The following LHFPL3 variants were observed in gnomAD, a reference collection of about 807,000 sequenced individuals.
LHFPL3 encodes the protein LHFPL tetraspan subfamily member 3 protein.
In LHFPL3, 5 loss-of-function variants were observed where a neutral mutation model predicts 19.3. The ratio of observed to expected loss-of-function variants is 0.26; its 90% CI spans 0.14 to 0.54. LHFPL3 has a LOEUF of 0.54. LHFPL3 is among the 20% of genes least tolerant of loss of function. The pLI is 0.94. For missense variants in LHFPL3, 249 were observed against 307.4 expected (o/e 0.81, Z 1.42); for synonymous variants, 133 against 126.2 (o/e 1.05, Z -0.36).
At position 104,669,710 on chromosome 7, in the gene LHFPL3, A is replaced by G. The variant is rs1377951287; in HGVS notation, c.446-66965A>G. ...AGACCTTTCTTACCTTTTTTTTAAA[A>G]CAAAAAATGAAATTATTTTGCATGC... is the stretch of plus-strand genomic sequence containing the variant. On this transcript the variant is annotated intron_variant, in intron 1 of 2. Coordinates refer to ENST00000424859, the MANE Select transcript of LHFPL3 (RefSeq NM_199000.3). The G allele has an allele frequency of 1.8e-5, 19 of 1,044,728 alleles. No individual in the cohort carries two copies. The Admixed American group carries it at 5.1e-4, about 28-fold the overall frequency. The allele number at this position is 1,044,728 out of a possible 1,614,324, so 64.7% of individuals were successfully genotyped here.
intron 1 of LHFPL3, among the ~76,000 whole-genome samples, chr7:104,461,291 C>T (rs1044737024): frequency 6.6e-6 from 1 of 152,180 alleles, no homozygotes; most frequent in Admixed American, 6.5e-5. Flanking sequence ...TGGTCCCACC[C>T]TTGAGACATG....
At chr7:104,640,677 T>C (rs1331697797) in intron 1 of LHFPL3, among the ~76,000 whole-genome samples, 3 of 152,214 alleles carry the variant, frequency 2.0e-5, no homozygotes, top group Non-Finnish European at 4.4e-5. Context: ...TTTTTAATGA[T>C]CGCCGTTCTA....
At chr7:104,869,136 C>G (rs894128164) in intron 2 of LHFPL3, among the ~76,000 whole-genome samples, 2 of 151,862 alleles carry the variant, frequency 1.3e-5, no homozygotes, top group Non-Finnish European at 2.9e-5. Context: ...GAAGAAAACC[C>G]TAGAAGCAAA....
At chr7:104,753,067 A>C (rs973547766) in intron 2 of LHFPL3, among the ~76,000 whole-genome samples, 1 of 152,218 alleles carries the variant, frequency 6.6e-6, no homozygotes, top group African/African-American at 2.4e-5. Flanking sequence ...AAGTAAATGC[A>C]ATGCAATTAA....
intron 1 of LHFPL3, among the ~76,000 whole-genome samples, chr7:104,406,533 G>A (rs1344486784): frequency 6.6e-6 from 1 of 152,230 alleles, no homozygotes; most frequent in Non-Finnish European, 1.5e-5. Context: ...TGAATTAAAA[G>A]AGGATGATTA....
At chr7:104,625,193 A>G (rs182650854) in intron 1 of LHFPL3, among the ~76,000 whole-genome samples, 61 of 152,348 alleles carry the variant, frequency 4.0e-4, no homozygotes, top group African/African-American at 1.4e-3. Flanking sequence ...ATTTATTTCA[A>G]AAGCATTAAT....
chr7:104,347,852 T>C (rs1342145208), intron 1 of LHFPL3, among the ~76,000 whole-genome samples: 1 of 150,494 alleles, frequency 6.6e-6, no homozygotes, highest in Non-Finnish European at 1.5e-5. Flanking sequence ...AGATCGCCCA[T>C]TACACTCTAG....
chr7:104,847,696 G>A (rs12705282), intron 2 of LHFPL3, among the ~76,000 whole-genome samples: 13,538 of 152,246 alleles, frequency 0.089, 1,307 homozygotes, highest in East Asian at 0.44. Flanking sequence ...ATTTTTAATA[G>A]AGACGAGATT....
Position 104,814,613 on chromosome 7 carries a change from A to T in LHFPL3, c.682+77702A>T, listed in dbSNP as rs572098619. On this transcript the variant is annotated intron_variant, in intron 2 of 2. Transcript: ENST00000424859. ...GGGACCTGCCCCGTTCCACCCAGGA[A>T]CCTGTCTGCCTCCCTCTGCCTTTCA... Among the ~76,000 whole-genome samples, 70 of 151,762 alleles carry T rather than the reference A, an allele frequency of 4.6e-4. 1 individual carries two copies. Among genetic ancestry groups the T allele is most frequent in the African/African-American group, 1.4e-3 (59 of 41,142 alleles).
chr7:104,600,441 T>G (rs1319399483), intron 1 of LHFPL3, among the ~76,000 whole-genome samples: 3 of 152,214 alleles, frequency 2.0e-5, no homozygotes, highest in Non-Finnish European at 2.9e-5. Context: ...CACGTTCTAA[T>G]AGAATCTTTA....
At chr7:104,460,019 C>A (rs1049695888) in intron 1 of LHFPL3, among the ~76,000 whole-genome samples, 1 of 152,076 alleles carries the variant, frequency 6.6e-6, no homozygotes, top group African/African-American at 2.4e-5. Context: ...TACCCTCCAC[C>A]CTCAAGTAGG....
chr7:104,661,299 A>G (rs984300967), intron 1 of LHFPL3, among the ~76,000 whole-genome samples: 2 of 152,202 alleles, frequency 1.3e-5, no homozygotes, highest in Admixed American at 6.5e-5. Flanking sequence ...TGCCCTGCCT[A>G]TTCTACCCAT....
chr7:104,587,038 C>T (rs1425217716), intron 1 of LHFPL3, among the ~76,000 whole-genome samples: 1 of 151,980 alleles, frequency 6.6e-6, no homozygotes. Flanking sequence ...CATTGTGATG[C>T]CAAAAATAAT....
intron 2 of LHFPL3, among the ~76,000 whole-genome samples, chr7:104,839,201 A>C (rs1791151653): frequency 6.6e-6 from 1 of 152,206 alleles, no homozygotes; most frequent in African/African-American, 2.4e-5. Flanking sequence ...GAGGGAGGAC[A>C]GGATAGCAGT....
Position 104,637,964 on chromosome 7 carries a change from C to T in LHFPL3, c.446-98711C>T, listed in dbSNP as rs1791759834. 2.6e-5 allele frequency among the ~76,000 whole-genome samples: 4 copies of T among 151,620 alleles called. No individual in the cohort carries two copies. The South Asian group carries it at 8.3e-4, about 32-fold the overall frequency. On this transcript the variant is annotated intron_variant, in intron 1 of 2. Transcript: ENST00000424859. ...AGTTTGATAGGAATAGCATTGAATC[C>T]GTACATTATTCTGGGCAGTATGGCC...
At chr7:104,857,972 T>G (rs978399127) in intron 2 of LHFPL3, among the ~76,000 whole-genome samples, 1 of 152,204 alleles carries the variant, frequency 6.6e-6, no homozygotes, top group African/African-American at 2.4e-5. Context: ...TAAAGTCAAG[T>G]AGGTAAATTC....
intron 2 of LHFPL3, among the ~76,000 whole-genome samples, chr7:104,830,015 T>C (rs929503534): frequency 1.1e-4 from 17 of 152,102 alleles, no homozygotes; most frequent in East Asian, 7.7e-4. Context: ...TTTTTAATGA[T>C]CGCCATTCTA....
At chr7:104,762,264 G>T (rs1794383890) in intron 2 of LHFPL3, among the ~76,000 whole-genome samples, 3 of 152,170 alleles carry the variant, frequency 2.0e-5, no homozygotes, top group Non-Finnish European at 4.4e-5. Flanking sequence ...CAAGTGACGA[G>T]AAAAAGGAAA....
chr7:104,808,779 AC>A (rs1261549895), intron 2 of LHFPL3, among the ~76,000 whole-genome samples: 3 of 151,942 alleles, frequency 2.0e-5, no homozygotes, highest in African/African-American at 7.3e-5. Context: ...AAAGATTATT[AC>A]CATTAAGACA....
Sources: allele counts gnomAD v4.1 joint callset (sites outside exome capture counted in the v4.1 genomes callset), GRCh38; gene constraint gnomAD v4.1.1; transcripts MANE v1.5; gene names NCBI Gene and HGNC (gene_info 2026-07-23, HGNC 2026-07-21).